AGTPBP1: variants seen among roughly 807,000 people sequenced by gnomAD.
AGTPBP1 encodes ATP/GTP binding carboxypeptidase 1.
Under a neutral mutation model 143.9 loss-of-function variants are expected in AGTPBP1, and 70 were observed. The observed-to-expected ratio is 0.49, with a 90% confidence interval of 0.40 to 0.59. The LOEUF (loss-of-function observed/expected upper bound fraction) is 0.59. AGTPBP1 is among the 20% of genes least tolerant of loss of function. AGTPBP1 has a pLI of 0.00. For missense variants in AGTPBP1, 1,229 were observed against 1,464.5 expected, an observed-to-expected ratio of 0.84 and a Z score of 2.62; for synonymous variants, 463 against 500.2, an observed-to-expected ratio of 0.93 and a Z score of 0.99.
At chr9:85,772,547 G>A in the AGTPBP1 span, among the ~76,000 whole-genome samples, 2 of 152,138 alleles carry the variant, frequency 1.3e-5, no homozygotes, top group Admixed American at 6.6e-5. Context: ...AGGAATTCAA[G>A]ACCAGCTTGG....
rs899088789 is a variant in AGTPBP1, at chr9:85,552,455, G to A, written c.3504-5169C>T. Among the ~76,000 whole-genome samples, 9 of 152,064 alleles carry A rather than the reference G, an allele frequency of 5.9e-5. No homozygotes were observed. In the South Asian group the frequency reaches 6.2e-4, roughly 11 times the overall value. ...CCAAGACACCAGAATGTACATCTTC[G>A]GCTCCATGACCTACAACAGGCATGA... On this transcript the variant is annotated intron_variant, in intron 25 of 25. Transcript: ENST00000357081.
chr9:85,569,736 C>A (rs903990787), intron 25 of AGTPBP1, among the ~76,000 whole-genome samples: 2 of 152,222 alleles, frequency 1.3e-5, no homozygotes, highest in African/African-American at 4.8e-5. Context: ...GCAGCCACCA[C>A]TCTCCTCAGA....
At chr9:85,650,887 T>C (rs557634916) in intron 11 of AGTPBP1, among the ~76,000 whole-genome samples, 1 of 152,330 alleles carries the variant, frequency 6.6e-6, no homozygotes, top group African/African-American at 2.4e-5. Flanking sequence ...CTGCCTTGTT[T>C]TAATCATTTT....
At chr9:85,561,988 C>A (rs901776002) in intron 25 of AGTPBP1, among the ~76,000 whole-genome samples, 1 of 151,922 alleles carries the variant, frequency 6.6e-6, no homozygotes, top group Non-Finnish European at 1.5e-5. Context: ...CCTGCCACCA[C>A]GCCCAGCTAA....
Position 85,610,306 on chromosome 9 carries a change from G to A in AGTPBP1, c.2335+8677C>T, listed in dbSNP as rs111328895. Among the ~76,000 whole-genome samples the A allele has an allele frequency of 2.3e-3, 343 of 152,144 alleles. 1 individual carries two copies. The highest frequency in any genetic ancestry group is 7.8e-3 in the African/African-American group (324 of 41,500). On this transcript the variant is annotated intron_variant, in intron 17 of 25. Coordinates refer to ENST00000357081, the MANE Select transcript of AGTPBP1 (RefSeq NM_001330701.2). ...TCAGCAAATCCCTTCCAAGTAATGG[G>A]GGGGTAAGAGGGGGTGATGGATTGA...
intron 17 of AGTPBP1, among the ~76,000 whole-genome samples, chr9:85,610,617 A>T (rs1364423687): frequency 1.3e-5 from 2 of 152,040 alleles, no homozygotes; most frequent in Non-Finnish European, 2.9e-5. Context: ...CCAACACTTA[A>T]ATAGTACCCC....
At chr9:85,738,486 A>G (rs1823976209) in intron 1 of AGTPBP1, among the ~76,000 whole-genome samples, 1 of 152,234 alleles carries the variant, frequency 6.6e-6, no homozygotes, top group South Asian at 2.1e-4. Context: ...ACAACATACA[A>G]TATTCTGATC....
At position 85,575,318 on chromosome 9, in the gene AGTPBP1, G is replaced by A. The variant is rs746399293; in HGVS notation, c.3500C>T (p.Thr1167Ile). The A allele has an allele frequency of 1.9e-6, 3 of 1,579,724 alleles. No individual in the cohort carries two copies. In the Admixed American group the frequency reaches 5.9e-5, roughly 31 times the overall value. Residue 1167 changes from threonine to isoleucine, a missense_variant, in exon 25 of 26, where the codon ACT becomes ATT. By Grantham distance (89) the Thr-to-Ile change is moderately conservative (BLOSUM62 -1). This residue lies in a region of AGTPBP1 where 486 missense variants were observed against 652.3 expected (regional missense o/e 0.75). Transcript: ENST00000357081. ...AGAAAAAACAATTTTTTCCTACCTAGTTACTTTGCAGCTTGATTCAATTAA... is the reference window on the plus strand; with the variant it reads ...AGAAAAAACAATTTTTTCCTACCTAATTACTTTGCAGCTTGATTCAATTAA... ...NDLIESSCKV[T>I]SPTTYVLDED...
At chr9:85,726,913 A>G (rs940195702) in intron 1 of AGTPBP1, among the ~76,000 whole-genome samples, 4 of 152,224 alleles carry the variant, frequency 2.6e-5, no homozygotes, top group South Asian at 2.1e-4. Context: ...ATAATAAAAA[A>G]GTGTAAAATT....
At chr9:85,678,798 C>T (rs1173954353) in intron 4 of AGTPBP1, among the ~76,000 whole-genome samples, 2 of 152,200 alleles carry the variant, frequency 1.3e-5, no homozygotes, top group African/African-American at 4.8e-5. Flanking sequence ...AGATAATATG[C>T]ACACATAAAA....
chr9:85,588,209 T>G, intron 21 of AGTPBP1, 89 bp downstream of exon 21: 1 of 1,165,910 alleles, frequency 8.6e-7, no homozygotes. Flanking sequence ...ATCACTAAGT[T>G]TGTTAACCTG....
chr9:85,756,871 G>C, the AGTPBP1 span, among the ~76,000 whole-genome samples: 2 of 152,162 alleles, frequency 1.3e-5, no homozygotes, highest in African/African-American at 4.8e-5. Flanking sequence ...AATACCATTT[G>C]TATCAAGTCT....
At chr9:85,672,070 AC>A (rs1023097223) in intron 7 of AGTPBP1, among the ~76,000 whole-genome samples, 4 of 148,638 alleles carry the variant, frequency 2.7e-5, no homozygotes, top group African/African-American at 4.9e-5. Context: ...TACCAACTTA[AC>A]CTTTTTTTTT....
chr9:85,709,366 G>C (rs542794890), intron 2 of AGTPBP1, among the ~76,000 whole-genome samples: 1 of 152,264 alleles, frequency 6.6e-6, no homozygotes, highest in South Asian at 2.1e-4. Context: ...TTAACAAAAT[G>C]TTTAAAGGTA....
chr9:85,675,745 G>A (rs1834787006), intron 6 of AGTPBP1, among the ~76,000 whole-genome samples: 2 of 152,138 alleles, frequency 1.3e-5, no homozygotes, highest in Non-Finnish European at 1.5e-5. Context: ...AACCATTTCG[G>A]CTGGGTGCGG....
intron 23 of AGTPBP1, among the ~76,000 whole-genome samples, chr9:85,583,062 C>T (rs1394793437): frequency 6.6e-6 from 1 of 152,080 alleles, no homozygotes; most frequent in Non-Finnish European, 1.5e-5. Flanking sequence ...ACAATGGAAG[C>T]AGAGGTCAGA....
intron 1 of AGTPBP1, among the ~76,000 whole-genome samples, chr9:85,722,461 T>A (rs1381821645): frequency 6.6e-6 from 1 of 152,272 alleles, no homozygotes; most frequent in Non-Finnish European, 1.5e-5. Context: ...CTTGATCGAA[T>A]CAGCTATTGA....
At chr9:85,664,950 T>C (rs1834046277) in intron 8 of AGTPBP1, among the ~76,000 whole-genome samples, 1 of 152,168 alleles carries the variant, frequency 6.6e-6, no homozygotes, top group African/African-American at 2.4e-5. Context: ...TACACATAGA[T>C]GTCAAGTTTT....
At chr9:85,704,285 A>G (rs1836846996) in intron 2 of AGTPBP1, among the ~76,000 whole-genome samples, 1 of 152,182 alleles carries the variant, frequency 6.6e-6, no homozygotes, top group South Asian at 2.1e-4. Flanking sequence ...AGAGAGCTGC[A>G]CAGAGAAAAC....
Sources: allele counts gnomAD v4.1 joint callset (sites outside exome capture counted in the v4.1 genomes callset), GRCh38; gene constraint gnomAD v4.1.1; regional missense constraint gnomAD v4.1.1; transcripts MANE v1.5; gene names NCBI Gene and HGNC (gene_info 2026-07-23, HGNC 2026-07-21).